The following ANKFN1 variants were observed in gnomAD, a reference collection of about 807,000 sequenced individuals.
The protein encoded by ANKFN1 is ankyrin repeat and fibronectin type-III domain-containing protein 1.
Under a neutral mutation model 108.7 loss-of-function variants are expected in ANKFN1, and 74 were observed. That is an observed-to-expected ratio of 0.68 (90% CI 0.56 to 0.83). ANKFN1 has a LOEUF of 0.83. Among genes scored for constraint, ANKFN1 ranks in the 40% least tolerant of loss-of-function variants. The pLI is 0.00. For synonymous variants in ANKFN1, 547 were observed against 516.2 expected, an observed-to-expected ratio of 1.06 and a Z score of -0.81; for missense variants, 1,505 against 1,382.3, an observed-to-expected ratio of 1.09 and a Z score of -1.41.
At chr17:56,507,910 A>G (rs1567714953) in intron 20 of ANKFN1, among the ~76,000 whole-genome samples, 1 of 152,080 alleles carries the variant, frequency 6.6e-6, no homozygotes, top group Non-Finnish European at 1.5e-5. Context: ...ATCCACTTTC[A>G]TTGTCTTCAC....
At chr17:56,490,304 T>C (rs1418087443) in intron 18 of ANKFN1, among the ~76,000 whole-genome samples, 1 of 152,164 alleles carries the variant, frequency 6.6e-6, no homozygotes, top group East Asian at 1.9e-4. Flanking sequence ...GTGAAAACTT[T>C]GCTGAGGAGA....
chr17:56,190,423 C>T (rs1475379912), intron 1 of ANKFN1, among the ~76,000 whole-genome samples: 13 of 116,958 alleles, frequency 1.1e-4, no homozygotes, highest in East Asian at 2.8e-4. Flanking sequence ...TCTTTGTTCT[C>T]GTTGGTTTCA....
intron 3 of ANKFN1, among the ~76,000 whole-genome samples, chr17:56,268,768 A>G (rs575074691): frequency 2.0e-5 from 3 of 152,184 alleles, no homozygotes; most frequent in African/African-American, 7.2e-5. Context: ...TTTCTCCAGG[A>G]TGGAAATCAT....
At chr17:56,321,679 T>C (rs1459078342) in intron 3 of ANKFN1, among the ~76,000 whole-genome samples, 2 of 152,202 alleles carry the variant, frequency 1.3e-5, no homozygotes, top group Non-Finnish European at 2.9e-5. Flanking sequence ...TGGTGGGCTT[T>C]GGCCTAATTT....
intron 8 of ANKFN1, among the ~76,000 whole-genome samples, chr17:56,412,855 C>T (rs576221366): frequency 4.6e-5 from 7 of 152,270 alleles, no homozygotes; most frequent in East Asian, 3.9e-4. Flanking sequence ...TTCAAATACG[C>T]GTCTATCCTA....
chr17:56,290,997 T>A (rs1299618259), intron 3 of ANKFN1, among the ~76,000 whole-genome samples: 1 of 152,170 alleles, frequency 6.6e-6, no homozygotes, highest in Admixed American at 6.5e-5. Context: ...AGTTCCATCC[T>A]AGAGAGGCAA....
intron 4 of ANKFN1, among the ~76,000 whole-genome samples, chr17:56,047,845 A>C (rs755356100): frequency 6.6e-6 from 1 of 152,160 alleles, no homozygotes; most frequent in African/African-American, 2.4e-5. Flanking sequence ...GGTTGAGAAG[A>C]CCTAATTTAA....
chr17:56,392,181 A>G (rs2047460215), intron 8 of ANKFN1, among the ~76,000 whole-genome samples: 1 of 152,220 alleles, frequency 6.6e-6, no homozygotes, highest in Admixed American at 6.5e-5. Context: ...ACTGAGATAC[A>G]AGGAGGTTAA....
intron 4 of ANKFN1, among the ~76,000 whole-genome samples, chr17:56,055,215 C>T (rs923942769): frequency 4.6e-5 from 7 of 151,924 alleles, no homozygotes; most frequent in African/African-American, 1.7e-4. Flanking sequence ...CCTTGCCCAC[C>T]TCCCGTTCTC....
chr17:56,411,317 C>T (rs1026931964), intron 8 of ANKFN1, among the ~76,000 whole-genome samples: 3 of 152,084 alleles, frequency 2.0e-5, no homozygotes, highest in African/African-American at 4.8e-5. Flanking sequence ...TGGAAAAATA[C>T]TAATTTTTTT....
chr17:56,210,729 G>T (rs1274175685), intron 1 of ANKFN1, among the ~76,000 whole-genome samples: 1 of 152,168 alleles, frequency 6.6e-6, no homozygotes, highest in Admixed American at 6.5e-5. Flanking sequence ...GAGGCCTCAG[G>T]AAATCTACAA....
rs372238613 is a variant in ANKFN1, at chr17:56,389,399, G to T, written c.910+14685G>T. Among the ~76,000 whole-genome samples, 27 of 152,330 alleles carry T rather than the reference G, an allele frequency of 1.8e-4. No homozygotes were observed. The East Asian group carries it at 3.1e-3, about 17-fold the overall frequency. ...TAGCGGTTGCCAAGAGGAGAAGAGG[G>T]TGTGTATAGCTCCCTTTCTTGTTTT... On this transcript the variant is annotated intron_variant, in intron 8 of 20. Coordinates refer to ENST00000682825, the MANE Select transcript of ANKFN1 (RefSeq NM_001370326.1).
In ANKFN1 at chr17:56,510,609, G is replaced by C. The variant is rs1216232623; in HGVS notation, c.2781G>C (p.Gln927His). Reference protein sequence around the residue: ...VYLSSHDIAQQTLSGLSGSAP... With the variant: ...VYLSSHDIAQHTLSGLSGSAP... ...TATCATCTCACGACATTGCGCAGCA[G>C]ACCCTTAGCGGCCTAAGCGGCAGCG... Residue 927 changes from glutamine (Q) to histidine (H), a missense_variant, in exon 21 of 21, where the codon CAG becomes CAC. By Grantham distance (24) the Gln-to-His change is conservative. Coordinates refer to ENST00000682825, the MANE Select transcript of ANKFN1 (RefSeq NM_001370326.1). 6.5e-7 allele frequency: 1 copy of C among 1,536,196 alleles called. No individual in the cohort carries two copies. Among genetic ancestry groups the C allele is most frequent in the Non-Finnish European group, 8.7e-7 (1 of 1,146,922 alleles).
chr17:56,249,274 A>G (rs2043183534), intron 3 of ANKFN1, among the ~76,000 whole-genome samples: 1 of 152,008 alleles, frequency 6.6e-6, no homozygotes, highest in African/African-American at 2.4e-5. Context: ...TCTCTACTAA[A>G]AGCACAAAAA....
At chr17:56,201,992 A>T (rs953803125) in intron 1 of ANKFN1, among the ~76,000 whole-genome samples, 2 of 152,172 alleles carry the variant, frequency 1.3e-5, no homozygotes, top group African/African-American at 4.8e-5. Context: ...ACAGAGGAAA[A>T]ACTGCTTCTG....
intron 4 of ANKFN1, among the ~76,000 whole-genome samples, chr17:56,331,157 A>G (rs925823667): frequency 1.1e-4 from 16 of 152,168 alleles, no homozygotes; most frequent in Admixed American, 3.9e-4. Context: ...TTAGAAGCCA[A>G]TTGCTTCTAG....
chr17:56,094,474 CTTTTTTTT>C (rs60149030), intron 4 of ANKFN1, among the ~76,000 whole-genome samples: 1 of 75,974 alleles, frequency 1.3e-5, no homozygotes, highest in African/African-American at 6.4e-5. Flanking sequence ...GTTGTTTCTT[CTTTTTTTT>C]TTTTTTTTTT....
At chr17:56,411,539 A>G (rs1474553272) in intron 8 of ANKFN1, among the ~76,000 whole-genome samples, 1 of 152,180 alleles carries the variant, frequency 6.6e-6, no homozygotes, top group Non-Finnish European at 1.5e-5. Context: ...ATAGAAATGG[A>G]AAGAATGGGC....
intron 3 of ANKFN1, among the ~76,000 whole-genome samples, chr17:56,303,769 C>T (rs2044737917): frequency 6.6e-6 from 1 of 152,006 alleles, no homozygotes; most frequent in Admixed American, 6.5e-5. Flanking sequence ...ACTGCGACCT[C>T]CACCTCCCGG....
Sources: gnomAD v4.1 joint callset for allele counts (sites outside exome capture counted in the v4.1 genomes callset) on GRCh38, gnomAD v4.1.1 for gene constraint, MANE v1.5 for transcripts, NCBI Gene and HGNC (gene_info 2026-07-23, HGNC 2026-07-21) for gene names.